The following PHF19 variants were observed in gnomAD, a reference collection of about 807,000 sequenced individuals.
The protein encoded by PHF19 is PHD finger protein 19, also known as polycomb like 3.
Under a neutral mutation model 79.8 loss-of-function variants are expected in PHF19, and 21 were observed. The observed-to-expected ratio is 0.26, with a 90% confidence interval of 0.19 to 0.38. The LOEUF is 0.38. Among genes scored for constraint, PHF19 ranks in the 10% least tolerant of loss-of-function variants. PHF19 has a pLI of 1.00. For synonymous variants in PHF19, 273 were observed against 296.3 expected (o/e 0.92, Z 0.81); for missense variants, 445 against 744.2 (o/e 0.60, Z 4.68).
At position 120,866,112 on chromosome 9, in the gene PHF19, G is replaced by C. The variant is rs770139845; in HGVS notation, c.711-16C>G. The C allele has an allele frequency of 6.2e-7, 1 of 1,607,070 alleles. No individual in the cohort carries two copies. The highest frequency in any genetic ancestry group is 1.1e-5 in the South Asian group (1 of 90,954). Reference sequence around the variant, plus strand: ...CAGGTAAAACCTGTGGGTGGGTAGAGACGGGGGCCTATGGTGGGAGGGGCT... The same window carrying C: ...CAGGTAAAACCTGTGGGTGGGTAGACACGGGGGCCTATGGTGGGAGGGGCT... On this transcript the variant is annotated splice_polypyrimidine_tract_variant and intron_variant, in intron 7 of 14. Transcript: ENST00000373896. This position sits in a 1 kb window ranked among gnomAD's most constrained non-coding sequence, Gnocchi z 5.2.
Position 120,860,376 on chromosome 9 carries a change from C to A in PHF19, c.1305-191G>T. 3.5e-6 allele frequency: 2 copies of A among 567,632 alleles called. No homozygotes were observed. Among genetic ancestry groups the A allele is most frequent in the South Asian group, 2.0e-5 (1 of 50,462 alleles). 35.2% of individuals were successfully genotyped at this position (567,632 alleles called of 1,614,324 possible). A position where few individuals can be genotyped will look rare whatever the true frequency, so the allele number is the denominator to read the frequency against. On this transcript the variant is annotated intron_variant, in intron 13 of 14. Transcript: ENST00000373896. The surrounding 1 kb of genome is among the most constrained non-coding windows in gnomAD (Gnocchi z 4.1). ...TTCAAAGTCCAAGAAGTCAAAAAAA[C>A]CTCCTGGAGCACCCTCCCCTGGCGG...
At position 120,862,874 on chromosome 9, in the gene PHF19, C is replaced by A; in HGVS notation, c.969-125G>T. 1.2e-6 allele frequency: 1 copy of A among 856,954 alleles called. No individual in the cohort carries two copies. The highest frequency in any genetic ancestry group is 1.9e-6 in the Non-Finnish European group (1 of 530,968). The allele number at this position is 856,954 out of a possible 1,614,324, so 53.1% of individuals were successfully genotyped here. A position where few individuals can be genotyped will look rare whatever the true frequency, so the allele number is the denominator to read the frequency against. On this transcript the variant is annotated intron_variant, in intron 10 of 14. Coordinates refer to ENST00000373896, the MANE Select transcript of PHF19 (RefSeq NM_015651.3). The surrounding 1 kb of genome is among the most constrained non-coding windows in gnomAD (Gnocchi z 4.6). ...CCCAGAGCTAAAATCCGGATGGTCTCTGCAGATGCTGACTTCCTCAAAGCC... is the reference window on the plus strand; with the variant it reads ...CCCAGAGCTAAAATCCGGATGGTCTATGCAGATGCTGACTTCCTCAAAGCC...
At chr9:120,883,810 T>C (rs368771528) in intron 1 of PHF19, among the ~76,000 whole-genome samples, 1 of 128,598 alleles carries the variant, frequency 7.8e-6, no homozygotes, top group East Asian at 2.2e-4. Flanking sequence ...AGCTAGGGGG[T>C]GGGGCTAGGG....
upstream of PHF19, chr9:120,877,209 T>A (rs1051030793): frequency 1.2e-6 from 1 of 804,560 alleles, no homozygotes; most frequent in Non-Finnish European, 1.5e-6. Context: ...GGGGCCGGGG[T>A]CGGGGTCTCG....
Position 120,874,799 on chromosome 9 carries a change from T to C in PHF19, c.-15-43A>G. 2 of 1,336,544 alleles carry C rather than the reference T, an allele frequency of 1.5e-6. No individual in the cohort carries two copies. The highest frequency in any genetic ancestry group is 2.1e-6 in the Non-Finnish European group (2 of 941,886). 82.8% of individuals were successfully genotyped at this position (1,336,544 alleles called of 1,614,324 possible). A position where few individuals can be genotyped will look rare whatever the true frequency, so the allele number is the denominator to read the frequency against. On this transcript the variant is annotated intron_variant, in intron 1 of 14. Coordinates refer to ENST00000373896, the MANE Select transcript of PHF19 (RefSeq NM_015651.3). The surrounding 1 kb of genome is among the most constrained non-coding windows in gnomAD (Gnocchi z 4.5). Reference sequence around the variant, plus strand: ...GGGTTTTTGCTTCTTGCTTCCCTGCTTCAGAAAGCCCATCAGGGGAAGGAA... The same window carrying C: ...GGGTTTTTGCTTCTTGCTTCCCTGCCTCAGAAAGCCCATCAGGGGAAGGAA...
At chr9:120,872,007 C>T (rs993328983) in intron 3 of PHF19, among the ~76,000 whole-genome samples, 8 of 118,840 alleles carry the variant, frequency 6.7e-5, no homozygotes, top group African/African-American at 2.5e-4. Context: ...CACTGCACTC[C>T]AGCCTGGGTG....
Position 120,869,983 on chromosome 9 carries a change from C to T in PHF19, c.365-38G>A. 1 of 1,544,856 alleles carries T rather than the reference C, an allele frequency of 6.5e-7. No individual in the cohort carries two copies. The highest frequency in any genetic ancestry group is 8.7e-7 in the Non-Finnish European group (1 of 1,143,948). ...AGGGGGCGGTGAGCGCCCACAAGGA[C>T]ATCGTGGCCCAAGGCCAGTTGGCCC... On this transcript the variant is annotated intron_variant, in intron 4 of 14. Coordinates refer to ENST00000373896, the MANE Select transcript of PHF19 (RefSeq NM_015651.3). This position sits in a 1 kb window ranked among gnomAD's most constrained non-coding sequence, Gnocchi z 5.8.
intron 6 of PHF19, chr9:120,868,851 C>A: frequency 7.4e-6 from 8 of 1,082,828 alleles, no homozygotes; most frequent in Non-Finnish European, 9.0e-6. Context: ...GCCAGGCCCG[C>A]CTCCCGAGGC....
intron 3 of PHF19, among the ~76,000 whole-genome samples, chr9:120,872,037 C>CAAAAAAAAAGAAAAAAAAAAAAAAAAA (rs2045912428): frequency 3.3e-5 from 1 of 30,322 alleles, no homozygotes; most frequent in Non-Finnish European, 5.5e-5. Flanking sequence ...GACTCTGTCT[C>CAAAAAAAAAGAAAAAAAAAAAAAAAAA]AAAAAAAAAA....
chr9:120,861,581 A>T (rs2045526385), intron 12 of PHF19, among the ~76,000 whole-genome samples: 1 of 152,120 alleles, frequency 6.6e-6, no homozygotes, highest in Admixed American at 6.5e-5. Flanking sequence ...AGGAGGAAAG[A>T]AAGTGCTCTG....
Position 120,857,899 on chromosome 9 carries a change from G to C in PHF19, c.*45C>G. Reference sequence around the variant, plus strand: ...AGCTGGGGAGCCTATGGCTTCTGCTGCTCCTCCTTTGGTTTTCAGGACCCC... The same window carrying C: ...AGCTGGGGAGCCTATGGCTTCTGCTCCTCCTCCTTTGGTTTTCAGGACCCC... On this transcript the variant is annotated 3_prime_UTR_variant, in exon 15 of 15. Coordinates refer to ENST00000373896, the MANE Select transcript of PHF19 (RefSeq NM_015651.3). 1 of 1,193,512 alleles carries C rather than the reference G, an allele frequency of 8.4e-7. No individual in the cohort carries two copies. Among genetic ancestry groups the C allele is most frequent in the Non-Finnish European group, 1.2e-6 (1 of 839,924 alleles). 73.9% of individuals were successfully genotyped at this position (1,193,512 alleles called of 1,614,324 possible).
chr9:120,901,242 G>T, the PHF19 span, among the ~76,000 whole-genome samples: 1 of 152,046 alleles, frequency 6.6e-6, no homozygotes, highest in African/African-American at 2.4e-5. Flanking sequence ...TCCCAGGCTG[G>T]AGTGCAGTGG....
At chr9:120,896,003 TA>T (rs1259404918), upstream of PHF19, among the ~76,000 whole-genome samples, 1 of 152,126 alleles carries the variant, frequency 6.6e-6, no homozygotes, top group Non-Finnish European at 1.5e-5. Flanking sequence ...ATTGCATCTT[TA>T]AAAAGCTGTT....
At chr9:120,873,897 G>A in intron 3 of PHF19, 82 bp downstream of exon 3, 2 of 745,570 alleles carry the variant, frequency 2.7e-6, no homozygotes, top group South Asian at 3.2e-5. Flanking sequence ...AGAGATGGAA[G>A]GACAGAAGGA....
rs1564498381 is a variant in PHF19, at chr9:120,866,116, G to A, written c.711-20C>T. 5 of 1,601,954 alleles carry A rather than the reference G, an allele frequency of 3.1e-6. No individual in the cohort carries two copies. The highest frequency in any genetic ancestry group is 2.6e-6 in the Non-Finnish European group (3 of 1,169,050). On this transcript the variant is annotated intron_variant, in intron 7 of 14. Coordinates refer to ENST00000373896, the MANE Select transcript of PHF19 (RefSeq NM_015651.3). The surrounding 1 kb of genome is among the most constrained non-coding windows in gnomAD (Gnocchi z 5.2). ...TAAAACCTGTGGGTGGGTAGAGACG[G>A]GGGCCTATGGTGGGAGGGGCTCTGA...
intron 1 of PHF19, among the ~76,000 whole-genome samples, chr9:120,887,037 G>A (rs535926055): frequency 1.3e-5 from 2 of 150,158 alleles, no homozygotes; most frequent in South Asian, 4.2e-4. Flanking sequence ...CTGCACTCCA[G>A]CCTAGGTGAC....
Position 120,869,485 on chromosome 9 carries a change from T to C in PHF19, c.466-155A>G. On this transcript the variant is annotated intron_variant, in intron 5 of 14. Coordinates refer to ENST00000373896, the MANE Select transcript of PHF19 (RefSeq NM_015651.3). The surrounding 1 kb of genome is among the most constrained non-coding windows in gnomAD (Gnocchi z 5.8). Reference sequence around the variant, plus strand: ...AAGCAAGGAGCTTTTTCTCATTAATTCCAAACCCATCCCCTCTATCCCAGA... The same window carrying C: ...AAGCAAGGAGCTTTTTCTCATTAATCCCAAACCCATCCCCTCTATCCCAGA... The C allele has an allele frequency of 7.5e-7, 1 of 1,338,824 alleles. No homozygotes were observed. The highest frequency in any genetic ancestry group is 9.9e-7 in the Non-Finnish European group (1 of 1,006,946). The allele number at this position is 1,338,824 out of a possible 1,614,324, so 82.9% of individuals were successfully genotyped here.
At chr9:120,872,326 C>T (rs1257344371) in intron 3 of PHF19, among the ~76,000 whole-genome samples, 1 of 152,162 alleles carries the variant, frequency 6.6e-6, no homozygotes, top group Non-Finnish European at 1.5e-5. Flanking sequence ...CCATTCTGCC[C>T]GGAAGGGGCA....
In PHF19 at chr9:120,860,983, AGACAGACCTGCACAGCAGG is replaced by A. The variant is rs2131486978; in HGVS notation, c.1304+87_1304+105del. On this transcript the variant is annotated intron_variant, in intron 13 of 14. Coordinates refer to ENST00000373896, the MANE Select transcript of PHF19 (RefSeq NM_015651.3). The surrounding 1 kb of genome is among the most constrained non-coding windows in gnomAD (Gnocchi z 4.1). ...AAGCTCTACTGCAAAAAGCCCCTTC[AGACAGACCTGCACAGCAGG>A]GATCCTTTTAACTGAGGGCTTGGCT... The A allele has an allele frequency of 2.6e-6, 2 of 756,262 alleles. No homozygotes were observed. Among genetic ancestry groups the A allele is most frequent in the South Asian group, 2.8e-5 (2 of 71,698 alleles). The allele number at this position is 756,262 out of a possible 1,614,324, so 46.8% of individuals were successfully genotyped here.
Sources: allele counts gnomAD v4.1 joint callset (sites outside exome capture counted in the v4.1 genomes callset), GRCh38; gene constraint gnomAD v4.1.1; non-coding constraint Gnocchi (gnomAD v3.1); transcripts MANE v1.5; gene names NCBI Gene and HGNC (gene_info 2026-07-23, HGNC 2026-07-21).